The following BDH2 variants were observed in gnomAD, a reference collection of about 807,000 sequenced individuals.
The protein encoded by BDH2 is dehydrogenase/reductase SDR family member 6.
BDH2 carries 24 observed loss-of-function variants against 33.2 expected under a neutral mutation model. That is an observed-to-expected ratio of 0.72 (90% CI 0.52 to 1.02). The LOEUF (loss-of-function observed/expected upper bound fraction) is 1.02, where lower values mean the gene tolerates loss of function less well. BDH2 is among the 50% of genes least tolerant of loss of function. The pLI is 0.00. For missense variants in BDH2, 249 were observed against 301.6 expected, an observed-to-expected ratio of 0.83 and a Z score of 1.29; for synonymous variants, 81 against 101.6, an observed-to-expected ratio of 0.80 and a Z score of 1.22.
intron 2 of BDH2, among the ~76,000 whole-genome samples, chr4:103,095,711 A>C (rs941376611): frequency 2.6e-5 from 4 of 152,158 alleles, no homozygotes; most frequent in African/African-American, 9.7e-5. Context: ...GTCAAACCAT[A>C]CCCTGCCATT....
intron 1 of BDH2, chr4:103,097,724 A>C (rs1578512915): frequency 6.6e-6 from 1 of 152,318 alleles, no homozygotes; most frequent in African/African-American, 2.4e-5. Flanking sequence ...CTAGCTGCAA[A>C]GAGGTTGGAA....
At chr4:103,080,847 CA>C (rs1231183829) in intron 9 of BDH2, among the ~76,000 whole-genome samples, 1 of 152,248 alleles carries the variant, frequency 6.6e-6, no homozygotes, top group African/African-American at 2.4e-5. Context: ...AGAGAAATCA[CA>C]AAGGCTCATG....
At chr4:103,094,203 G>A (rs894408882) in intron 3 of BDH2, among the ~76,000 whole-genome samples, 9 of 152,120 alleles carry the variant, frequency 5.9e-5, no homozygotes, top group African/African-American at 1.9e-4. Context: ...AGCCACATGT[G>A]GCTACTGAGC....
At chr4:103,081,376 C>T (rs1397076356) in intron 9 of BDH2, among the ~76,000 whole-genome samples, 2 of 152,212 alleles carry the variant, frequency 1.3e-5, no homozygotes, top group Non-Finnish European at 2.9e-5. Flanking sequence ...CGGCTCACTG[C>T]AACCTCCGCC....
chr4:103,096,220 G>A lies in BDH2; in HGVS notation c.35C>T (p.Thr12Met), dbSNP rs149867754. The change falls in exon 2 of 10, where the codon ACG (threonine) becomes ATG (methionine). Residue 12 changes from threonine to methionine, a missense_variant. Transcript: ENST00000296424. ...GRLDGKVIIL[T>M]AAAQGIGQAA... The stretch of plus-strand genomic sequence containing the variant: ...TTGGCCAATCCCCTGAGCAGCGGCC[G>A]TCAGGATGATGACTTTCCCATCAAG... 373 of 1,613,832 alleles carry A rather than the reference G, an allele frequency of 2.3e-4. No individual in the cohort carries two copies. The African/African-American group carries it at 3.3e-3, about 14-fold the overall frequency.
Position 103,077,959 on chromosome 4 carries a change from C to G in BDH2, c.*1743G>C, listed in dbSNP as rs1747317880. ...CAATGGACTCTTTCTGAATGCTAGT[C>G]AAAATGTCCTTTTGTGTGAATTTTA... On this transcript the variant is annotated 3_prime_UTR_variant, in exon 10 of 10. Transcript: ENST00000296424. Among the ~76,000 whole-genome samples the G allele has an allele frequency of 6.6e-6, 1 of 152,190 alleles. No homozygotes were observed. Among genetic ancestry groups the G allele is most frequent in the South Asian group, 2.1e-4 (1 of 4,828 alleles).
intron 3 of BDH2, among the ~76,000 whole-genome samples, chr4:103,094,249 G>C (rs111502946): frequency 0.017 from 2,612 of 152,284 alleles, 46 homozygotes; most frequent in Non-Finnish European, 0.028. Context: ...GAAATGTGCT[G>C]CAAGTGTAAA....
chr4:103,088,162 T>C (rs1747888197), intron 5 of BDH2, among the ~76,000 whole-genome samples: 1 of 152,230 alleles, frequency 6.6e-6, no homozygotes, highest in Admixed American at 6.5e-5. Flanking sequence ...AAGAGGATCA[T>C]AATGAAATGG....
At chr4:103,092,957 C>G (rs7690059) in intron 3 of BDH2, among the ~76,000 whole-genome samples, 2 of 151,950 alleles carry the variant, frequency 1.3e-5, no homozygotes, top group African/African-American at 4.8e-5. Flanking sequence ...CCTTTCTGAG[C>G]AATGGCTTTA....
intron 9 of BDH2, 48 bp downstream of exon 9, chr4:103,082,033 C>T: frequency 6.7e-7 from 1 of 1,493,148 alleles, no homozygotes; most frequent in South Asian, 1.1e-5. Flanking sequence ...CAAATTGTGG[C>T]CAAATGTGAT....
At chr4:103,082,321 A>G in intron 8 of BDH2, 148 bp from the exon 9 acceptor site, 1 of 657,002 alleles carries the variant, frequency 1.5e-6, no homozygotes, top group South Asian at 2.0e-5. Context: ...TCTTTTGCCA[A>G]AGTTACTCAA....
intron 9 of BDH2, among the ~76,000 whole-genome samples, chr4:103,080,840 G>T (rs1173161854): frequency 1.3e-5 from 2 of 152,246 alleles, no homozygotes; most frequent in Non-Finnish European, 2.9e-5. Flanking sequence ...CGGATTCAGA[G>T]AAATCACAAA....
At chr4:103,092,799 GGCTTCATAGATT>G in intron 3 of BDH2, 103 bp from the exon 4 acceptor site, 1 of 814,216 alleles carries the variant, frequency 1.2e-6, no homozygotes, top group East Asian at 2.7e-5. Flanking sequence ...TATCCAGCTA[GGCTTCATAGATT>G]GCTGACCTTC....
intron 4 of BDH2, 194 bp downstream of exon 4, chr4:103,092,405 TC>T (rs1204057032): frequency 3.4e-6 from 2 of 582,472 alleles, no homozygotes; most frequent in Non-Finnish European, 6.1e-6. Context: ...TTGCCCCAGA[TC>T]ATGTCAAACT....
At chr4:103,096,361 C>G in intron 1 of BDH2, 87 bp from the exon 2 acceptor site, 1 of 800,088 alleles carries the variant, frequency 1.2e-6, no homozygotes. Context: ...TCAGTGTGCT[C>G]TTTTAAGAAT....
intron 7 of BDH2, among the ~76,000 whole-genome samples, chr4:103,083,616 C>T (rs934373174): frequency 4.6e-5 from 7 of 152,160 alleles, no homozygotes; most frequent in African/African-American, 1.2e-4. Context: ...TCCTAGAGCA[C>T]GTTACCCAGA....
chr4:103,078,641 A>G lies in BDH2; in HGVS notation c.*1061T>C, dbSNP rs1015655143. 2.0e-5 allele frequency among the ~76,000 whole-genome samples: 3 copies of G among 152,214 alleles called. No homozygotes were observed. The highest frequency in any genetic ancestry group is 7.2e-5 in the African/African-American group (3 of 41,444). On this transcript the variant is annotated 3_prime_UTR_variant, in exon 10 of 10. Coordinates refer to ENST00000296424, the MANE Select transcript of BDH2 (RefSeq NM_020139.4). ...TACTCCTTTTACTGTAAGCTATTGA[A>G]GCCAAACTCCTTCCTACCTTTGTTC... is the stretch of plus-strand genomic sequence containing the variant.
At chr4:103,082,438 A>G (rs1246300682) in intron 8 of BDH2, among the ~76,000 whole-genome samples, 1 of 152,246 alleles carries the variant, frequency 6.6e-6, no homozygotes, top group African/African-American at 2.4e-5. Context: ...GGTAAAGTAT[A>G]CAGAATATAA....
At position 103,086,548 on chromosome 4, in the gene BDH2, A is replaced by T. The variant is rs1374781783; in HGVS notation, c.358-8T>A. Reference sequence around the variant, plus strand: ...AGATTTCTGAGCAAGCATCTGCCAAAACAAAACAAATACAAAAAAAAAAAA... The same window carrying T: ...AGATTTCTGAGCAAGCATCTGCCAATACAAAACAAATACAAAAAAAAAAAA... On this transcript the variant is annotated splice_region_variant and splice_polypyrimidine_tract_variant and intron_variant, in intron 5 of 9. Coordinates refer to ENST00000296424, the MANE Select transcript of BDH2 (RefSeq NM_020139.4). The T allele has an allele frequency of 1.0e-5, 16 of 1,592,540 alleles. No homozygotes were observed. The highest frequency in any genetic ancestry group is 1.2e-5 in the Non-Finnish European group (14 of 1,172,122).
Sources: allele counts gnomAD v4.1 joint callset (sites outside exome capture counted in the v4.1 genomes callset), GRCh38; gene constraint gnomAD v4.1.1; transcripts MANE v1.5; gene names NCBI Gene and HGNC (gene_info 2026-07-23, HGNC 2026-07-21).